Variants in TNNI1 observed in about 807,000 individuals in gnomAD.
The protein encoded by TNNI1 is troponin I, slow skeletal muscle.
A neutral mutation model predicts 26.7 loss-of-function variants in TNNI1; 14 were observed. The ratio of observed to expected loss-of-function variants is 0.52; its 90% confidence interval spans 0.35 to 0.82. The LOEUF is 0.82. TNNI1 is among the 40% of genes least tolerant of loss of function. TNNI1 has a pLI of 0.01. For missense variants in TNNI1, 164 were observed against 257.0 expected, an observed-to-expected ratio of 0.64 and a Z score of 2.47; for synonymous variants, 79 against 98.2, an observed-to-expected ratio of 0.80 and a Z score of 1.16.
rs1055611269 is a variant in TNNI1 at position 201,413,094 on chromosome 1, C to T, written c.217G>A (p.Val73Met). The T allele has an allele frequency of 3.1e-6, 5 of 1,614,006 alleles. No individual in the cohort carries two copies. In the African/African-American group the frequency reaches 6.7e-5, roughly 22 times the overall value. The change falls in exon 6 of 9, where the codon GTG becomes ATG. Residue 73 changes from valine (V) to methionine (M), a missense_variant. Val to Met is a conservative substitution (Grantham distance 21, BLOSUM62 1). Coordinates refer to ENST00000361379, the MANE Select transcript of TNNI1 (RefSeq NM_003281.4). ...TATCGCTCCTCATCCACCACCTCCA[C>T]CTTGGCGTGCAGCTCCCGGCACAGG... The part of the protein sequence containing the change: ...QDLCRELHAK[V>M]EVVDEERYDI...
chr1:201,417,220 C>T (rs1054349478), intron 2 of TNNI1, 101 bp from the exon 3 acceptor site: 106 of 1,521,928 alleles, frequency 7.0e-5, no homozygotes, highest in Non-Finnish European at 9.0e-5. Context: ...CACAGACCAG[C>T]TTGGGGGAGG....
chr1:201,415,360 G>A (rs902961064), intron 3 of TNNI1, 106 bp from the exon 4 acceptor site: 71 of 1,185,250 alleles, frequency 6.0e-5, no homozygotes, highest in Non-Finnish European at 7.1e-5. Flanking sequence ...ATCTTTATCC[G>A]GAATCCTCTG....
At chr1:201,416,347 G>A (rs1017749729) in intron 3 of TNNI1, among the ~76,000 whole-genome samples, 2 of 152,186 alleles carry the variant, frequency 1.3e-5, no homozygotes, top group African/African-American at 4.8e-5. Context: ...CCCACCACTT[G>A]GTGAGCCGAT....
At chr1:201,418,821 G>A (rs950059070) in intron 1 of TNNI1, among the ~76,000 whole-genome samples, 1 of 152,064 alleles carries the variant, frequency 6.6e-6, no homozygotes, top group African/African-American at 2.4e-5. Context: ...AAATCAGTGA[G>A]TTTCCTCTTG....
intron 8 of TNNI1, among the ~76,000 whole-genome samples, chr1:201,409,659 C>T (rs992257960): frequency 6.6e-6 from 1 of 152,190 alleles, no homozygotes; most frequent in Non-Finnish European, 1.5e-5. Flanking sequence ...CTGGTGGATG[C>T]CTGCCCTATT....
chr1:201,417,884 G>A (rs956537145), intron 1 of TNNI1, 72 bp from the exon 2 acceptor site: 3 of 1,157,212 alleles, frequency 2.6e-6, no homozygotes, highest in South Asian at 3.8e-5. Context: ...GGCCTTGGGA[G>A]CCCAGCCTAG....
Position 201,418,722 on chromosome 1 carries a change from T to C in TNNI1, c.-19-910A>G, listed in dbSNP as rs540299939. 3.3e-5 allele frequency among the ~76,000 whole-genome samples: 5 copies of C among 152,282 alleles called. No individual in the cohort carries two copies. In the East Asian group the frequency reaches 7.7e-4, roughly 23 times the overall value. On this transcript the variant is annotated intron_variant, in intron 1 of 8. Coordinates refer to ENST00000361379, the MANE Select transcript of TNNI1 (RefSeq NM_003281.4). ...GTGGGAGGCCTTGAGTGGGAGAGAA[T>C]AAGCCGCAAGGCAGGGCAAATCCCG...
intron 4 of TNNI1, 21 bp from the exon 5 acceptor site, chr1:201,414,670 G>T (rs770036070): frequency 1.1e-5 from 17 of 1,607,826 alleles, no homozygotes; most frequent in Non-Finnish European, 1.4e-5. Context: ...CACACCTGCT[G>T]AGCTGGGGGC....
chr1:201,420,223 C>A (rs1486750556), intron 1 of TNNI1, among the ~76,000 whole-genome samples: 1 of 152,230 alleles, frequency 6.6e-6, no homozygotes, highest in Non-Finnish European at 1.5e-5. Flanking sequence ...GCCTCACTGA[C>A]AAATGCCAGA....
Position 201,411,589 on chromosome 1 carries a change from C to G in TNNI1, c.280-56G>C. On this transcript the variant is annotated intron_variant, in intron 6 of 8. Transcript: ENST00000361379. The surrounding 1 kb of genome is among the most constrained non-coding windows in gnomAD (Gnocchi z 4.6). ...GAGAGGCAGCTAGCCACAGGACACC[C>G]TTCCTGAGGACCTCAGACTGCTAGG... The G allele has an allele frequency of 1.4e-6, 2 of 1,469,086 alleles. No homozygotes were observed. The highest frequency in any genetic ancestry group is 2.8e-5 in the South Asian group (2 of 70,572). The allele number at this position is 1,469,086 out of a possible 1,614,324, so 91.0% of individuals were successfully genotyped here.
intron 5 of TNNI1, among the ~76,000 whole-genome samples, chr1:201,413,847 G>A (rs1474560238): frequency 6.6e-6 from 1 of 152,028 alleles, no homozygotes; most frequent in African/African-American, 2.4e-5. Flanking sequence ...ATAAAGAAAA[G>A]GTCTCACACT....
chr1:201,420,863 G>A (rs1662844355), intron 1 of TNNI1, among the ~76,000 whole-genome samples: 1 of 152,202 alleles, frequency 6.6e-6, no homozygotes, highest in African/African-American at 2.4e-5. Context: ...GGCAGGTGCT[G>A]CCTTCAGCCC....
At chr1:201,419,123 T>TA (rs940065943) in intron 1 of TNNI1, among the ~76,000 whole-genome samples, 3 of 151,816 alleles carry the variant, frequency 2.0e-5, no homozygotes, top group East Asian at 3.9e-4. Flanking sequence ...ACCCCGAACT[T>TA]AAAAAAAAGT....
At chr1:201,415,580 C>T (rs1040965115) in intron 3 of TNNI1, among the ~76,000 whole-genome samples, 1 of 152,188 alleles carries the variant, frequency 6.6e-6, no homozygotes, top group South Asian at 2.1e-4. Flanking sequence ...TTAGGACCCC[C>T]CCCCTTACTT....
Position 201,410,431 on chromosome 1 carries a change from C to T in TNNI1, c.461G>A (p.Arg154Gln), listed in dbSNP as rs373057941. Residue 154 changes from arginine to glutamine, a missense_variant, in exon 8 of 9, where the codon CGG becomes CAG. This residue lies in a region of TNNI1 where 43 missense variants were observed against 74.3 expected (regional missense o/e 0.58). Transcript: ENST00000361379. ...SVKKEDTEKE[R>Q]PVEVGDWRKN... ...CCTCCAGTCACCCACCTCCACAGGC[C>T]GCTCCTGTAGACAAGTGGCACACAC... The T allele has an allele frequency of 4.3e-6, 7 of 1,613,838 alleles. No individual in the cohort carries two copies. The highest frequency in any genetic ancestry group is 1.3e-5 in the African/African-American group (1 of 74,912).
chr1:201,417,692 G>A (rs1662775250), intron 2 of TNNI1, 91 bp downstream of exon 2: 3 of 1,167,500 alleles, frequency 2.6e-6, no homozygotes, highest in South Asian at 3.8e-5. Context: ...AGCTTTGGGG[G>A]TTGAAAACAT....
Position 201,417,300 on chromosome 1 carries a change from G to A in TNNI1, c.12-181C>T, listed in dbSNP as rs150655187. Among the ~76,000 whole-genome samples, 747 of 152,194 alleles carry A rather than the reference G, an allele frequency of 4.9e-3. 8 individuals carry two copies. The highest frequency in any genetic ancestry group is 0.017 in the African/African-American group (711 of 41,506). ...GGCAAGGGGAGCGGTTTGAGGTTCC[G>A]GCAGAATAAAATAAAAATTCAACAG... On this transcript the variant is annotated intron_variant, in intron 2 of 8. Transcript: ENST00000361379.
At position 201,411,341 on chromosome 1, in the gene TNNI1, A is replaced by G. The variant is rs372219478; in HGVS notation, c.456+16T>C. ...GTAGGGCAGAGGGTGGAATGTTCTG[A>G]GGAAAGGGACCTCACCTTCTCTGTG... On this transcript the variant is annotated intron_variant, in intron 7 of 8. Coordinates refer to ENST00000361379, the MANE Select transcript of TNNI1 (RefSeq NM_003281.4). This position sits in a 1 kb window ranked among gnomAD's most constrained non-coding sequence, Gnocchi z 4.6. 3.1e-6 allele frequency: 5 copies of G among 1,613,006 alleles called. No individual in the cohort carries two copies. Among genetic ancestry groups the G allele is most frequent in the Non-Finnish European group, 4.2e-6 (5 of 1,179,546 alleles).
At chr1:201,416,326 G>A (rs764899988) in intron 3 of TNNI1, among the ~76,000 whole-genome samples, 7 of 152,186 alleles carry the variant, frequency 4.6e-5, no homozygotes, top group Admixed American at 2.0e-4. Context: ...GTTTGACTGC[G>A]ATCTTATTTC....
Sources: allele counts gnomAD v4.1 joint callset (sites outside exome capture counted in the v4.1 genomes callset), GRCh38; gene constraint gnomAD v4.1.1; regional missense constraint gnomAD v4.1.1; non-coding constraint Gnocchi (gnomAD v3.1); transcripts MANE v1.5; gene names NCBI Gene and HGNC (gene_info 2026-07-23, HGNC 2026-07-21).